METTL16: variants seen among roughly 807,000 people sequenced by gnomAD.
The protein encoded by METTL16 is RNA N(6)-adenosine-methyltransferase METTL16.
METTL16 carries 19 observed loss-of-function variants against 57.9 expected under a neutral mutation model. The observed-to-expected ratio is 0.33, with a 90% confidence interval of 0.23 to 0.48. METTL16 has a LOEUF of 0.48. METTL16 is among the 20% of genes least tolerant of loss of function. The pLI is 0.99. For missense variants in METTL16, 434 were observed against 691.5 expected, an observed-to-expected ratio of 0.63 and a Z score of 4.18; for synonymous variants, 246 against 255.6, an observed-to-expected ratio of 0.96 and a Z score of 0.36.
At chr17:2,479,620 C>T (rs1327196488) in intron 2 of METTL16, among the ~76,000 whole-genome samples, 1 of 152,120 alleles carries the variant, frequency 6.6e-6, no homozygotes, top group Non-Finnish European at 1.5e-5. Flanking sequence ...TCCTTTTCTG[C>T]TCCCCTGCCT....
chr17:2,422,149 C>T (rs954880886), intron 8 of METTL16, among the ~76,000 whole-genome samples: 2 of 151,490 alleles, frequency 1.3e-5, no homozygotes, highest in African/African-American at 4.9e-5. Flanking sequence ...CCGTCTCTAC[C>T]AAAAATACAA....
At chr17:2,473,018 T>C (rs2067244511) in intron 4 of METTL16, among the ~76,000 whole-genome samples, 1 of 152,138 alleles carries the variant, frequency 6.6e-6, no homozygotes, top group South Asian at 2.1e-4. Flanking sequence ...TGTGCCAGCA[T>C]AGGTTCATCA....
intron 6 of METTL16, among the ~76,000 whole-genome samples, chr17:2,448,773 T>TAAAAAAAAAAAAAAAA (rs1391105641): frequency 1.4e-4 from 4 of 29,606 alleles, no homozygotes; most frequent in East Asian, 8.1e-4. Context: ...AAATAAAAAA[T>TAAAAAAAAAAAAAAAA]AAAAAAATAA....
In METTL16 at chr17:2,477,159, G is replaced by A. The variant is rs532960347; in HGVS notation, c.328+527C>T. Among the ~76,000 whole-genome samples, 17 of 152,104 alleles carry A rather than the reference G, an allele frequency of 1.1e-4. No homozygotes were observed. In the East Asian group the frequency reaches 1.5e-3, roughly 14 times the overall value. ...GAGTCAAGACCAACCTGGGCAACAC[G>A]AGACCCCATCTCAAAATAAAAAAAT... On this transcript the variant is annotated intron_variant, in intron 3 of 9. Transcript: ENST00000263092.
chr17:2,442,495 GA>G (rs371683262), intron 6 of METTL16, among the ~76,000 whole-genome samples: 10,655 of 141,254 alleles, frequency 0.075, 1,118 homozygotes, highest in African/African-American at 0.25. Flanking sequence ...AAGAAGAAAG[GA>G]AAAAAAAAAA....
chr17:2,467,054 C>G lies in METTL16; in HGVS notation c.585+707G>C, dbSNP rs148849891. ...CTCCGAGCTCAAGCTATCCACCCAC[C>G]TCAGCCTCCCAAAGTACTGGGATTA... On this transcript the variant is annotated intron_variant, in intron 5 of 9. Transcript: ENST00000263092. Among the ~76,000 whole-genome samples the G allele has an allele frequency of 5.9e-5, 9 of 151,750 alleles. No individual in the cohort carries two copies. The East Asian group carries it at 1.7e-3, about 29-fold the overall frequency.
chr17:2,440,273 G>A (rs1011894716), intron 7 of METTL16, among the ~76,000 whole-genome samples: 4 of 150,694 alleles, frequency 2.7e-5, no homozygotes, highest in Non-Finnish European at 5.9e-5. Flanking sequence ...TTTTTGAGAC[G>A]GAGTCTCGCT....
At chr17:2,488,353 T>C (rs2067358935) in intron 2 of METTL16, among the ~76,000 whole-genome samples, 1 of 152,094 alleles carries the variant, frequency 6.6e-6, no homozygotes, top group Admixed American at 6.6e-5. Flanking sequence ...GGTCAGGAGT[T>C]TGAGACCAGC....
At chr17:2,507,520 G>C (rs1395357897) in intron 1 of METTL16, among the ~76,000 whole-genome samples, 1 of 146,576 alleles carries the variant, frequency 6.8e-6, no homozygotes, top group African/African-American at 2.5e-5. Flanking sequence ...TCAGCCCCCC[G>C]CCCGGCCAGC....
At chr17:2,500,513 C>T (rs531150927) in intron 2 of METTL16, among the ~76,000 whole-genome samples, 2 of 152,074 alleles carry the variant, frequency 1.3e-5, no homozygotes, top group African/African-American at 4.8e-5. Flanking sequence ...AACTCCTGAC[C>T]TCAAGTGATC....
chr17:2,438,970 A>G (rs530381015), intron 7 of METTL16, among the ~76,000 whole-genome samples: 4 of 152,346 alleles, frequency 2.6e-5, no homozygotes, highest in African/African-American at 9.6e-5. Flanking sequence ...ATAGGACGTC[A>G]GAGAGAAACC....
intron 7 of METTL16, among the ~76,000 whole-genome samples, chr17:2,440,809 A>G (rs1479744928): frequency 6.6e-6 from 1 of 151,758 alleles, no homozygotes; most frequent in Non-Finnish European, 1.5e-5. Flanking sequence ...CATCACTACT[A>G]AAGAAAAACA....
intron 6 of METTL16, among the ~76,000 whole-genome samples, chr17:2,448,773 TAAAAAAA>T (rs2067039777): frequency 6.8e-5 from 2 of 29,612 alleles, no homozygotes; most frequent in Non-Finnish European, 1.4e-4. Context: ...AAATAAAAAA[TAAAAAAA>T]TAAAAAAATA....
At chr17:2,492,195 A>C (rs1272249015) in intron 2 of METTL16, among the ~76,000 whole-genome samples, 1 of 152,192 alleles carries the variant, frequency 6.6e-6, no homozygotes. Context: ...TGGGCGACAG[A>C]GCAAGACTCC....
At chr17:2,502,078 G>C (rs532653123) in intron 2 of METTL16, 126 bp downstream of exon 2, 6 of 924,230 alleles carry the variant, frequency 6.5e-6, no homozygotes, top group Non-Finnish European at 9.7e-6. Flanking sequence ...GAGGTTAAGT[G>C]ATTTGTCCAA....
chr17:2,425,829 G>A (rs1408992620), intron 8 of METTL16, among the ~76,000 whole-genome samples: 5 of 152,004 alleles, frequency 3.3e-5, no homozygotes, highest in Non-Finnish European at 7.4e-5. Flanking sequence ...AGGGACTATA[G>A]GTGTGTGCCA....
chr17:2,500,300 G>A (rs2067478060), intron 2 of METTL16, among the ~76,000 whole-genome samples: 1 of 149,338 alleles, frequency 6.7e-6, no homozygotes, highest in African/African-American at 2.5e-5. Flanking sequence ...TTTTTGAGAT[G>A]GAGTCTCAGT....
intron 2 of METTL16, among the ~76,000 whole-genome samples, chr17:2,488,130 G>A (rs1201028873): frequency 6.6e-6 from 1 of 152,066 alleles, no homozygotes; most frequent in African/African-American, 2.4e-5. Context: ...AAAGATATCT[G>A]CACACCCATA....
At chr17:2,433,837 G>A (rs1052948580) in intron 8 of METTL16, among the ~76,000 whole-genome samples, 2 of 152,088 alleles carry the variant, frequency 1.3e-5, no homozygotes, top group East Asian at 1.9e-4. Context: ...ACCGACCTAC[G>A]AGTCAGACGC....
Sources: allele counts gnomAD v4.1 joint callset (sites outside exome capture counted in the v4.1 genomes callset), GRCh38; gene constraint gnomAD v4.1.1; transcripts MANE v1.5; gene names NCBI Gene and HGNC (gene_info 2026-07-23, HGNC 2026-07-21).